C17orf75: variants seen among roughly 807,000 people sequenced by gnomAD.
C17orf75 encodes the protein protein Njmu-R1.
In C17orf75, 32 loss-of-function variants were observed where a neutral mutation model predicts 49.6. The ratio of observed to expected loss-of-function variants is 0.65; its 90% CI spans 0.49 to 0.87. C17orf75 has a LOEUF of 0.87. C17orf75 is among the 40% of genes least tolerant of loss of function. C17orf75 has a pLI of 0.00. For synonymous variants in C17orf75, 158 were observed against 159.5 expected (o/e 0.99, Z 0.07); for missense variants, 428 against 473.9 (o/e 0.90, Z 0.90).
chr17:32,335,366 AC>A lies in C17orf75; in HGVS notation c.625del (p.Val209LeufsTer17). The part of the protein sequence containing the change: ...FEDVVCPIQR[V>X]VLLFQEKLTF... ...AAGCTTTTCCTGAAAGAGAAGAACA[AC>A]CCTTTGGATTGGGCATACAACATCC... On this transcript the variant is annotated frameshift_variant, in exon 6 of 10. Coordinates refer to ENST00000577809, the MANE Select transcript of C17orf75 (RefSeq NM_022344.4). LOFTEE classifies it high-confidence loss of function. The A allele has an allele frequency of 6.2e-7, 1 of 1,613,924 alleles. No homozygotes were observed. The highest frequency in any genetic ancestry group is 8.5e-7 in the Non-Finnish European group (1 of 1,179,826).
In C17orf75 at chr17:32,341,237, G is replaced by A. The variant is rs1353760253; in HGVS notation, c.188C>T (p.Thr63Ile). The A allele has an allele frequency of 2.5e-6, 4 of 1,613,830 alleles. No homozygotes were observed. The African/African-American group carries it at 5.3e-5, about 22-fold the overall frequency. Residue 63 changes from threonine (T) to isoleucine (I), a missense_variant, in exon 2 of 10, where the codon ACA becomes ATA. Thr to Ile is a moderately conservative substitution (Grantham distance 89). Coordinates refer to ENST00000577809, the MANE Select transcript of C17orf75 (RefSeq NM_022344.4). ...GDSEDGSPSG[T>I]NAETPSGDDF... is the part of the protein sequence containing the mutation. ...ATCACCAGAGGGAGTTTCTGCATTT[G>A]TGCCACTTGGGCTTCCGTCCTCACT...
rs2041362240 is a variant in C17orf75 at position 32,339,865 on chromosome 17, A to G, written c.295T>C (p.Ser99Pro). The G allele has an allele frequency of 6.2e-7, 1 of 1,614,028 alleles. No homozygotes were observed. Among genetic ancestry groups the G allele is most frequent in the Non-Finnish European group, 8.5e-7 (1 of 1,179,878 alleles). ...AGCCCTTCAAAGACTGCACCTCTTG[A>G]AAGACGCTTAGCAATGAAACTGCGC... The part of the protein sequence containing the change: ...ELRSFIAKRL[S>P]RGAVFEGLGN... Residue 99 changes from serine to proline, a missense_variant, in exon 3 of 10, where the codon TCA (serine) becomes CCA (proline). Physicochemically the swap from Ser to Pro is moderately conservative, Grantham distance 74. Coordinates refer to ENST00000577809, the MANE Select transcript of C17orf75 (RefSeq NM_022344.4).
At chr17:32,332,768 A>C (rs1567801680) in intron 9 of C17orf75, among the ~76,000 whole-genome samples, 1 of 152,148 alleles carries the variant, frequency 6.6e-6, no homozygotes, top group African/African-American at 2.4e-5. Flanking sequence ...TCTGTCTCTT[A>C]AAACAAACAA....
At chr17:32,336,638 G>A (rs1226489858) in intron 5 of C17orf75, among the ~76,000 whole-genome samples, 1 of 152,172 alleles carries the variant, frequency 6.6e-6, no homozygotes, top group East Asian at 1.9e-4. Flanking sequence ...CTATTGCATA[G>A]CATGTCTTTG....
rs914566266 is a variant in C17orf75, at chr17:32,342,118, A to C, written c.22T>G (p.Ser8Ala). 5.6e-6 allele frequency: 9 copies of C among 1,600,158 alleles called. No individual in the cohort carries two copies. The highest frequency in any genetic ancestry group is 6.8e-6 in the Non-Finnish European group (8 of 1,174,198). MLPSLQE[S>A]MDGDEKELES... is the part of the protein sequence containing the mutation. Reference sequence around the variant, plus strand: ...AGTTCCTTTTCATCTCCATCCATCGACTCCTGCAAAGAGGGGAGCATTGCG... The same window carrying C: ...AGTTCCTTTTCATCTCCATCCATCGCCTCCTGCAAAGAGGGGAGCATTGCG... Residue 8 changes from serine to alanine, a missense_variant, in exon 1 of 10, where the codon TCG (serine) becomes GCG (alanine). Physicochemically the swap from Ser to Ala is moderately conservative, Grantham distance 99. Transcript: ENST00000577809.
intron 5 of C17orf75, among the ~76,000 whole-genome samples, chr17:32,337,661 C>T (rs1228128958): frequency 6.6e-6 from 1 of 152,094 alleles, no homozygotes; most frequent in East Asian, 1.9e-4. Context: ...GAAACCTCTG[C>T]CTCCCGGGTT....
chr17:32,343,277 C>G (rs533140922), upstream of C17orf75, among the ~76,000 whole-genome samples: 2 of 151,484 alleles, frequency 1.3e-5, no homozygotes, highest in South Asian at 2.1e-4. Context: ...TTTAAGCCAC[C>G]GTGTGTGTGT....
rs1194876960 is a variant in C17orf75, at chr17:32,328,630, C to T, written c.*3133G>A. On this transcript the variant is annotated 3_prime_UTR_variant, in exon 10 of 10. Coordinates refer to ENST00000577809, the MANE Select transcript of C17orf75 (RefSeq NM_022344.4). ...AGCTGGCTGGGCACAGTGGCTCACG[C>T]CTGTAATCCCGGCACTTTGGGAGGC... The T allele has an allele frequency of 6.6e-6, 1 of 152,256 alleles. No individual in the cohort carries two copies. Among genetic ancestry groups the T allele is most frequent in the Non-Finnish European group, 1.5e-5 (1 of 68,070 alleles). The allele number at this position is 152,256 out of a possible 1,614,324, so 9.4% of individuals were successfully genotyped here. A position where few individuals can be genotyped will look rare whatever the true frequency, so the allele number is the denominator to read the frequency against.
Position 32,333,415 on chromosome 17 carries a change from A to G in C17orf75, c.975+2T>C. 6.3e-7 allele frequency: 1 copy of G among 1,594,342 alleles called. No individual in the cohort carries two copies. Among genetic ancestry groups the G allele is most frequent in the Non-Finnish European group, 8.6e-7 (1 of 1,169,200 alleles). ...GCACTTGGCACACAGCCAACTAATT[A>G]CCTTTAGTTTAAAGTTCTCCAGTAC... On this transcript the variant is annotated splice_donor_variant, in intron 9 of 9. Coordinates refer to ENST00000577809, the MANE Select transcript of C17orf75 (RefSeq NM_022344.4). LOFTEE classifies it high-confidence loss of function.
In C17orf75 at chr17:32,342,034, T is replaced by C; in HGVS notation, c.106A>G (p.Ser36Gly). ...EERRLEPPSSSHYCLYSYRGS... is the reference protein window; with the variant it reads ...EERRLEPPSSGHYCLYSYRGS... ...CGATAGCTGTAAAGACAGTAGTGGC[T>C]GCTGGACGGCGGCTCGAGTCTCCGC... Residue 36 changes from serine (S) to glycine (G), a missense_variant, in exon 1 of 10, where the codon AGC (serine) becomes GGC (glycine). By Grantham distance (56) the Ser-to-Gly change is moderately conservative. Transcript: ENST00000577809. 6.5e-7 allele frequency: 1 copy of C among 1,549,848 alleles called. No homozygotes were observed. The highest frequency in any genetic ancestry group is 8.7e-7 in the Non-Finnish European group (1 of 1,148,380).
At chr17:32,349,845 G>T in intron 1 of C17orf75, 2 of 859,190 alleles carry the variant, frequency 2.3e-6, no homozygotes, top group Non-Finnish European at 2.8e-6. Flanking sequence ...AAAATTGGGC[G>T]CTGTCTCTAT....
intron 8 of C17orf75, among the ~76,000 whole-genome samples, chr17:32,334,088 G>C (rs2041302453): frequency 6.6e-6 from 1 of 152,164 alleles, no homozygotes; most frequent in Admixed American, 6.5e-5. Context: ...GACACAAGTA[G>C]CTCTAGTTCA....
chr17:32,345,601 G>A (rs1396071617), upstream of C17orf75, among the ~76,000 whole-genome samples: 1 of 151,920 alleles, frequency 6.6e-6, no homozygotes, highest in African/African-American at 2.4e-5. Flanking sequence ...GAAGGCTGAG[G>A]CAGGCAGATC....
chr17:32,331,729 C>T lies in C17orf75; in HGVS notation c.*34G>A. 1 of 1,526,060 alleles carries T rather than the reference C, an allele frequency of 6.6e-7. No individual in the cohort carries two copies. The highest frequency in any genetic ancestry group is 2.3e-5 in the East Asian group (1 of 44,398). The allele number at this position is 1,526,060 out of a possible 1,614,324, so 94.5% of individuals were successfully genotyped here. A position where few individuals can be genotyped will look rare whatever the true frequency, so the allele number is the denominator to read the frequency against. Reference sequence around the variant, plus strand: ...TTTCAAACACTAAGACTTAAATATACAACTTGATCATACAATTATCTCAAA... The same window carrying T: ...TTTCAAACACTAAGACTTAAATATATAACTTGATCATACAATTATCTCAAA... On this transcript the variant is annotated 3_prime_UTR_variant, in exon 10 of 10. Transcript: ENST00000577809.
rs182505306 is a variant in C17orf75 at position 32,333,278 on chromosome 17, C to T, written c.975+139G>A. On this transcript the variant is annotated intron_variant, in intron 9 of 9. Transcript: ENST00000577809. ...AGCTGCCAAAAAATAAAGTAAATGT[C>T]TTCTGATAATTCCAGTTTTGAGAAC... 775 of 638,980 alleles carry T rather than the reference C, an allele frequency of 1.2e-3. 4 individuals carry two copies. Among genetic ancestry groups the T allele is most frequent in the African/African-American group, 6.6e-3 (358 of 53,922 alleles). The allele number at this position is 638,980 out of a possible 1,614,324, so 39.6% of individuals were successfully genotyped here.
intron 3 of C17orf75, 79 bp from the exon 4 acceptor site, chr17:32,338,430 G>C (rs1021499450): frequency 7.2e-7 from 1 of 1,386,464 alleles, no homozygotes; most frequent in Non-Finnish European, 9.7e-7. Flanking sequence ...TCTGAATTCT[G>C]GTCATCTTGA....
Position 32,342,123 on chromosome 17 carries a change from T to G in C17orf75, c.17A>C (p.Gln6Pro). The G allele has an allele frequency of 1.0e-5, 16 of 1,601,152 alleles. No homozygotes were observed. The highest frequency in any genetic ancestry group is 1.4e-5 in the Non-Finnish European group (16 of 1,174,554). ...CTTTTCATCTCCATCCATCGACTCC[T>G]GCAAAGAGGGGAGCATTGCGGCGGC... The part of the protein sequence containing the change: MLPSL[Q>P]ESMDGDEKEL... Residue 6 changes from glutamine (Q) to proline (P), a missense_variant, in exon 1 of 10, where the codon CAG becomes CCG. Transcript: ENST00000577809.
chr17:32,334,628 T>C (rs1219480224), intron 7 of C17orf75, 23 bp from the exon 8 acceptor site: 1 of 1,609,644 alleles, frequency 6.2e-7, no homozygotes, highest in Non-Finnish European at 8.5e-7. Context: ...CAAGTCCATT[T>C]CCACAAACAA....
intron 3 of C17orf75, among the ~76,000 whole-genome samples, chr17:32,338,793 A>T (rs1482898922): frequency 1.3e-5 from 2 of 152,150 alleles, no homozygotes; most frequent in African/African-American, 4.8e-5. Context: ...GAACTAGAAT[A>T]AAGAGGTGTA....
Sources: allele counts gnomAD v4.1 joint callset (sites outside exome capture counted in the v4.1 genomes callset), GRCh38; gene constraint gnomAD v4.1.1; transcripts MANE v1.5; gene names NCBI Gene and HGNC (gene_info 2026-07-23, HGNC 2026-07-21).